The following TIPARP variants were observed in gnomAD, a reference collection of about 807,000 sequenced individuals.
The protein encoded by TIPARP is TCDD inducible poly(ADP-ribose) polymerase, also known as protein mono-ADP-ribosyltransferase TIPARP.
In TIPARP, 12 loss-of-function variants were observed where a neutral mutation model predicts 56.5. The observed-to-expected ratio is 0.21, with a 90% CI of 0.14 to 0.34. The LOEUF (loss-of-function observed/expected upper bound fraction) is 0.34. TIPARP is among the 10% of genes least tolerant of loss of function. The pLI is 1.00. For synonymous variants in TIPARP, 296 were observed against 265.7 expected (o/e 1.11, Z -1.11); for missense variants, 604 against 781.6 (o/e 0.77, Z 2.71).
At chr3:156,679,335 C>A (rs1722232392) in intron 2 of TIPARP, among the ~76,000 whole-genome samples, 2 of 152,022 alleles carry the variant, frequency 1.3e-5, no homozygotes, top group African/African-American at 2.4e-5. Context: ...TAACTCAGTT[C>A]TTTTAGTATG....
chr3:156,680,406 C>G (rs1407877773), intron 2 of TIPARP, among the ~76,000 whole-genome samples: 1 of 152,078 alleles, frequency 6.6e-6, no homozygotes, highest in Admixed American at 6.6e-5. Context: ...GCTAGCAATT[C>G]TAATTGCTAT....
Position 156,693,718 on chromosome 3 carries a change from T to C in TIPARP, c.918-302T>C, listed in dbSNP as rs144480803. Reference sequence around the variant, plus strand: ...CCCTGATTGGCTGAGGCCAGCCCACTGTAGAGTGGAGGGTGGGCTTATTTT... The same window carrying C: ...CCCTGATTGGCTGAGGCCAGCCCACCGTAGAGTGGAGGGTGGGCTTATTTT... On this transcript the variant is annotated intron_variant, in intron 2 of 5. Transcript: ENST00000295924. Among the ~76,000 whole-genome samples, 783 of 152,294 alleles carry C rather than the reference T, an allele frequency of 5.1e-3. 5 individuals carry two copies. Among genetic ancestry groups the C allele is most frequent in the Non-Finnish European group, 8.5e-3 (578 of 68,014 alleles).
rs895374544 is a variant in TIPARP at position 156,705,212 on chromosome 3, G to A, written c.*81G>A. On this transcript the variant is annotated 3_prime_UTR_variant, in exon 6 of 6. Transcript: ENST00000295924. The stretch of plus-strand genomic sequence containing the variant: ...GGTTTTGAATGGGTGGGACTGGGTG[G>A]GGAACAGCATTGGACATTAATAGGG... 3 of 820,132 alleles carry A rather than the reference G, an allele frequency of 3.7e-6. No homozygotes were observed. The highest frequency in any genetic ancestry group is 5.5e-6 in the Non-Finnish European group (3 of 545,126). The allele number at this position is 820,132 out of a possible 1,614,324, so 50.8% of individuals were successfully genotyped here. A position where few individuals can be genotyped will look rare whatever the true frequency, so the allele number is the denominator to read the frequency against.
intron 2 of TIPARP, among the ~76,000 whole-genome samples, chr3:156,689,596 G>T (rs938193805): frequency 6.6e-6 from 1 of 152,120 alleles, no homozygotes; most frequent in Non-Finnish European, 1.5e-5. Context: ...GTTTCCTACT[G>T]CCCATAGAAT....
Position 156,704,828 on chromosome 3 carries a change from A to C in TIPARP, c.1671A>C (p.Thr557=). 2 of 1,614,220 alleles carry C rather than the reference A, an allele frequency of 1.2e-6. No homozygotes were observed. Among genetic ancestry groups the C allele is most frequent in the Non-Finnish European group, 8.5e-7 (1 of 1,180,046 alleles). ...FDPRVCGKHA[T]MFGQGSYFAK... Reference sequence around the variant, plus strand: ...CTCGAGTCTGTGGAAAGCATGCTACAATGTTTGGACAAGGCAGTTATTTTG... The same window carrying C: ...CTCGAGTCTGTGGAAAGCATGCTACCATGTTTGGACAAGGCAGTTATTTTG... Residue 557 remains threonine (T), a synonymous_variant, in exon 6 of 6, where the codon ACA becomes ACC. Transcript: ENST00000295924.
chr3:156,695,732 A>C, intron 3 of TIPARP, 133 bp from the exon 4 acceptor site: 2 of 1,224,394 alleles, frequency 1.6e-6, no homozygotes, highest in Non-Finnish European at 1.1e-6. Context: ...ATATAAAGGG[A>C]GTTATTTAGA....
intron 4 of TIPARP, among the ~76,000 whole-genome samples, chr3:156,702,284 G>A (rs1722869266): frequency 6.6e-6 from 1 of 152,120 alleles, no homozygotes. Flanking sequence ...CTATACTCGG[G>A]CAAATTATTT....
intron 4 of TIPARP, among the ~76,000 whole-genome samples, chr3:156,697,396 T>C (rs550058619): frequency 2.0e-5 from 3 of 149,084 alleles, no homozygotes; most frequent in Admixed American, 1.4e-4. Flanking sequence ...TTTTATCTCA[T>C]GATAAGTAAT....
At chr3:156,692,048 A>G (rs1722589717) in intron 2 of TIPARP, among the ~76,000 whole-genome samples, 1 of 152,212 alleles carries the variant, frequency 6.6e-6, no homozygotes, top group Admixed American at 6.5e-5. Flanking sequence ...ACTAAACAGC[A>G]AAAAGCATTG....
intron 4 of TIPARP, among the ~76,000 whole-genome samples, chr3:156,701,850 C>G (rs2108498184): frequency 6.6e-6 from 1 of 152,280 alleles, no homozygotes; most frequent in African/African-American, 2.4e-5. Flanking sequence ...TCAGTAAGCC[C>G]TGGATCCACC....
At chr3:156,699,020 CA>C (rs1414265327) in intron 4 of TIPARP, among the ~76,000 whole-genome samples, 2 of 152,086 alleles carry the variant, frequency 1.3e-5, no homozygotes, top group Non-Finnish European at 2.9e-5. Flanking sequence ...GTGGCAATAG[CA>C]AGAGAGGTAG....
rs1271779810 is a variant in TIPARP at position 156,705,374 on chromosome 3, ACACT to A, written c.*245_*248del. On this transcript the variant is annotated 3_prime_UTR_variant, in exon 6 of 6. Transcript: ENST00000295924. The stretch of plus-strand genomic sequence containing the variant: ...CAGTGTGGAAAAGACTACAGATTAC[ACACT>A]CTTTTCATTCACACTTGTACATATA... 3.2e-5 allele frequency: 12 copies of A among 369,964 alleles called. No individual in the cohort carries two copies. Among genetic ancestry groups the A allele is most frequent in the Non-Finnish European group, 5.9e-5 (12 of 204,766 alleles). The allele number at this position is 369,964 out of a possible 1,614,324, so 22.9% of individuals were successfully genotyped here. A position where few individuals can be genotyped will look rare whatever the true frequency, so the allele number is the denominator to read the frequency against.
At chr3:156,686,973 A>AT (rs1199347622) in intron 2 of TIPARP, among the ~76,000 whole-genome samples, 1 of 152,128 alleles carries the variant, frequency 6.6e-6, no homozygotes, top group Non-Finnish European at 1.5e-5. Flanking sequence ...CATGGGAGGC[A>AT]TTTTTTATTG....
chr3:156,686,680 C>T (rs1722436555), intron 2 of TIPARP, among the ~76,000 whole-genome samples: 1 of 152,096 alleles, frequency 6.6e-6, no homozygotes, highest in Non-Finnish European at 1.5e-5. Context: ...TTATGGGTAT[C>T]ATTTGTAATT....
intron 4 of TIPARP, among the ~76,000 whole-genome samples, chr3:156,702,898 G>A (rs1485060558): frequency 2.0e-5 from 3 of 152,192 alleles, no homozygotes. Context: ...CGAAGCAAAT[G>A]TCAAATATTA....
At chr3:156,695,202 TTTTA>T (rs58864139) in intron 3 of TIPARP, among the ~76,000 whole-genome samples, 7 of 147,096 alleles carry the variant, frequency 4.8e-5, no homozygotes, top group Non-Finnish European at 6.0e-5. Flanking sequence ...CCTTTTCAAA[TTTTA>T]TTTATTTATT....
rs148518850 is a variant in TIPARP, at chr3:156,691,192, A to G, written c.918-2828A>G. Among the ~76,000 whole-genome samples the G allele has an allele frequency of 2.0e-5, 3 of 152,310 alleles. No homozygotes were observed. The East Asian group carries it at 5.8e-4, about 29-fold the overall frequency. On this transcript the variant is annotated intron_variant, in intron 2 of 5. Coordinates refer to ENST00000295924, the MANE Select transcript of TIPARP (RefSeq NM_015508.5). ...GAGACCTCTTTTTCCTTGTTCTTAC[A>G]GCTCTTTACTTACAGTGATATTTCC...
rs17854621 is a variant in TIPARP, at chr3:156,695,994, C to A, written c.1216C>A (p.Arg406Ser). Residue 406 changes from arginine to serine, a missense_variant, in exon 4 of 6, where the codon CGC (arginine) becomes AGC (serine). Transcript: ENST00000295924. Reference sequence around the variant, plus strand: ...AGAGATAAAAAGGAGACCCCTCTTCCGCTCCTGTTTTATACTGCTTCCATA... The same window carrying A: ...AGAGATAAAAAGGAGACCCCTCTTCAGCTCCTGTTTTATACTGCTTCCATA... The part of the protein sequence containing the change: ...RREIKRRPLF[R>S]SCFILLPYLQ... The A allele has an allele frequency of 6.2e-7, 1 of 1,610,908 alleles. No individual in the cohort carries two copies. The highest frequency in any genetic ancestry group is 1.1e-5 in the South Asian group (1 of 90,372).
chr3:156,704,338 T>C (rs1722928015), intron 5 of TIPARP, among the ~76,000 whole-genome samples: 3 of 152,062 alleles, frequency 2.0e-5, no homozygotes, highest in African/African-American at 7.2e-5. Flanking sequence ...AACAAACTAA[T>C]GAAGGACAAA....
Sources: gnomAD v4.1 joint callset for allele counts (sites outside exome capture counted in the v4.1 genomes callset) on GRCh38, gnomAD v4.1.1 for gene constraint, MANE v1.5 for transcripts, NCBI Gene and HGNC (gene_info 2026-07-23, HGNC 2026-07-21) for gene names.